The following MTREX variants were observed in gnomAD, a reference collection of about 807,000 sequenced individuals.
MTREX encodes the protein Mtr4 exosome RNA helicase, also known as exosome RNA helicase MTR4.
A neutral mutation model predicts 135.4 loss-of-function variants in MTREX; 76 were observed. The observed-to-expected ratio is 0.56, with a 90% CI of 0.47 to 0.68. The LOEUF (loss-of-function observed/expected upper bound fraction) is 0.68, where lower values mean the gene tolerates loss of function less well. Ranked by LOEUF, MTREX falls within the 30% of genes least tolerant of loss-of-function variation. The pLI, the probability that MTREX is intolerant of heterozygous loss-of-function variation, is 0.00. For synonymous variants in MTREX, 404 were observed against 401.6 expected (o/e 1.01, Z -0.07); for missense variants, 920 against 1,262.1 (o/e 0.73, Z 4.11).
At chr5:55,331,799 C>G (rs1177284056) in intron 5 of MTREX, among the ~76,000 whole-genome samples, 1 of 152,170 alleles carries the variant, frequency 6.6e-6, no homozygotes, top group Non-Finnish European at 1.5e-5. Flanking sequence ...TTTGGAAAAT[C>G]TAGGCAGTAA....
intron 15 of MTREX, 142 bp downstream of exon 15, chr5:55,358,840 G>T (rs1036581638): frequency 4.8e-6 from 3 of 627,238 alleles, no homozygotes; most frequent in Non-Finnish European, 7.5e-6. Flanking sequence ...GAAGATGGAA[G>T]GGTGTGATTA....
At chr5:55,313,044 T>G (rs975266683) in intron 1 of MTREX, among the ~76,000 whole-genome samples, 1 of 152,172 alleles carries the variant, frequency 6.6e-6, no homozygotes, top group Admixed American at 6.5e-5. Flanking sequence ...TTATAAAAAA[T>G]AGAATTCATA....
intron 20 of MTREX, among the ~76,000 whole-genome samples, chr5:55,397,980 G>A (rs1017595386): frequency 6.6e-6 from 1 of 152,020 alleles, no homozygotes; most frequent in Admixed American, 6.6e-5. Flanking sequence ...CAGCTCTCTG[G>A]GATGCCACAG....
chr5:55,381,404 A>G (rs373986051), intron 18 of MTREX, among the ~76,000 whole-genome samples: 3 of 152,196 alleles, frequency 2.0e-5, no homozygotes, highest in South Asian at 4.1e-4. Flanking sequence ...TTTTACAATT[A>G]TAAATTTCCC....
At chr5:55,405,696 G>T in intron 22 of MTREX, 108 bp downstream of exon 22, 2 of 878,772 alleles carry the variant, frequency 2.3e-6, no homozygotes, top group Non-Finnish European at 3.5e-6. Flanking sequence ...AGGCTGGAGT[G>T]CACTGGCGCA....
At chr5:55,406,939 G>A (rs750979594) in intron 22 of MTREX, among the ~76,000 whole-genome samples, 4 of 152,162 alleles carry the variant, frequency 2.6e-5, no homozygotes, top group Non-Finnish European at 4.4e-5. Flanking sequence ...CCTGCCTTAG[G>A]AGCCAGCTTG....
At chr5:55,310,189 T>C (rs1749088141) in intron 1 of MTREX, among the ~76,000 whole-genome samples, 1 of 152,220 alleles carries the variant, frequency 6.6e-6, no homozygotes, top group Admixed American at 6.5e-5. Flanking sequence ...AAAAATCTAA[T>C]TTACATTTCA....
intron 19 of MTREX, among the ~76,000 whole-genome samples, chr5:55,397,079 T>C (rs906621542): frequency 6.6e-6 from 1 of 152,246 alleles, no homozygotes; most frequent in Non-Finnish European, 1.5e-5. Flanking sequence ...TTCTTAGTAC[T>C]ATAGTACCTT....
chr5:55,344,819 A>G (rs1027867925), intron 9 of MTREX, among the ~76,000 whole-genome samples, 199 bp downstream of exon 9: 5 of 152,158 alleles, frequency 3.3e-5, no homozygotes, highest in Non-Finnish European at 7.4e-5. Context: ...TTTCTTATGC[A>G]TGAATCAGAT....
intron 5 of MTREX, among the ~76,000 whole-genome samples, chr5:55,336,599 T>C (rs779787266): frequency 1.3e-5 from 2 of 152,214 alleles, no homozygotes; most frequent in Non-Finnish European, 2.9e-5. Context: ...TGATCATTTG[T>C]GTATGTTACT....
chr5:55,373,995 G>C (rs1340778112), intron 16 of MTREX, among the ~76,000 whole-genome samples: 1 of 152,040 alleles, frequency 6.6e-6, no homozygotes, highest in Non-Finnish European at 1.5e-5. Flanking sequence ...AGGCATGGTG[G>C]CTCATGCCTG....
intron 16 of MTREX, among the ~76,000 whole-genome samples, chr5:55,373,386 A>T (rs1750239246): frequency 6.6e-6 from 1 of 151,956 alleles, no homozygotes; most frequent in Admixed American, 6.6e-5. Flanking sequence ...AGTCACTATA[A>T]AATGTCCAGG....
intron 25 of MTREX, among the ~76,000 whole-genome samples, chr5:55,418,140 A>G (rs1189111542): frequency 1.3e-5 from 2 of 150,566 alleles, no homozygotes. Context: ...AGGCTGAGGC[A>G]GGAGAATGGC....
At chr5:55,403,547 T>A (rs1321117605) in intron 21 of MTREX, among the ~76,000 whole-genome samples, 1 of 152,248 alleles carries the variant, frequency 6.6e-6, no homozygotes, top group African/African-American at 2.4e-5. Flanking sequence ...ATGTCTTAAA[T>A]ATTGGACTCT....
At chr5:55,324,818 T>G (rs1749347213) in intron 3 of MTREX, 1 of 152,190 alleles carries the variant, frequency 6.6e-6, no homozygotes. Context: ...AAATTTGCAA[T>G]AAAGGGATCT....
intron 13 of MTREX, among the ~76,000 whole-genome samples, chr5:55,352,817 CTG>C (rs1749849768): frequency 6.6e-6 from 1 of 152,140 alleles, no homozygotes; most frequent in East Asian, 1.9e-4. Flanking sequence ...CTCAAAATCA[CTG>C]TGTCATCAGT....
chr5:55,413,463 T>C (rs1341445187), intron 23 of MTREX, among the ~76,000 whole-genome samples: 2 of 152,090 alleles, frequency 1.3e-5, no homozygotes, highest in Non-Finnish European at 2.9e-5. Flanking sequence ...ACAAATAATG[T>C]CTGTTATTCT....
Position 55,351,025 on chromosome 5 carries a change from T to C in MTREX, c.1427T>C (p.Ile476Thr), listed in dbSNP as rs781420127. ...TIEILFSEGL[I>T]KALFATETFA... ...GAAATTCTCTTTTCTGAAGGATTGATAAAGGTATGGTTTTATTTTTATTTT... is the reference window on the plus strand; with the variant it reads ...GAAATTCTCTTTTCTGAAGGATTGACAAAGGTATGGTTTTATTTTTATTTT... The change falls in exon 13 of 27, where the codon ATA (isoleucine) becomes ACA (threonine). Residue 476 changes from isoleucine to threonine, a missense_variant. Ile to Thr is a moderately conservative substitution (Grantham distance 89). This residue lies in a region of MTREX where 46 missense variants were observed against 116.8 expected (regional missense o/e 0.39). Transcript: ENST00000230640. 1 of 1,599,204 alleles carries C rather than the reference T, an allele frequency of 6.3e-7. No homozygotes were observed. Among genetic ancestry groups the C allele is most frequent in the South Asian group, 1.2e-5 (1 of 86,776 alleles).
rs1750783779 is a variant in MTREX, at chr5:55,405,244, T to C, written c.2482-181T>C. 8 of 499,616 alleles carry C rather than the reference T, an allele frequency of 1.6e-5. 1 individual carries two copies. In the South Asian group the frequency reaches 2.5e-4, roughly 15 times the overall value. 30.9% of individuals were successfully genotyped at this position (499,616 alleles called of 1,614,324 possible). On this transcript the variant is annotated intron_variant, in intron 21 of 26. Transcript: ENST00000230640. ...CAGATACATCATTACTCTTGTGTAA[T>C]GTTCCGGGAATGTATCTAAGAAGCT...
Sources: gnomAD v4.1 joint callset for allele counts (sites outside exome capture counted in the v4.1 genomes callset) on GRCh38, gnomAD v4.1.1 for gene constraint, gnomAD v4.1.1 regional missense constraint, MANE v1.5 for transcripts, NCBI Gene and HGNC (gene_info 2026-07-23, HGNC 2026-07-21) for gene names.